Variants in SASH1 observed in about 807,000 individuals in gnomAD.
SASH1 encodes SAM and SH3 domain-containing protein 1.
Under a neutral mutation model 125.2 loss-of-function variants are expected in SASH1, and 44 were observed. The ratio of observed to expected loss-of-function variants is 0.35; its 90% CI spans 0.28 to 0.45. SASH1 has a LOEUF of 0.45. Ranked by LOEUF, SASH1 falls within the 20% of genes least tolerant of loss-of-function variation. The pLI, the probability that SASH1 is intolerant of heterozygous loss-of-function variation, is 1.00. For missense variants in SASH1, 1,426 were observed against 1,614.5 expected, an observed-to-expected ratio of 0.88 and a Z score of 2.00; for synonymous variants, 639 against 649.1, an observed-to-expected ratio of 0.98 and a Z score of 0.24.
chr6:148,326,414 C>CT (rs56066712), intron 1 of SASH1, among the ~76,000 whole-genome samples: 3 of 84,058 alleles, frequency 3.6e-5, no homozygotes, highest in Middle Eastern at 9.8e-3. Context: ...CTTTTCTTTT[C>CT]TTTTTTTTGA....
intron 4 of SASH1, among the ~76,000 whole-genome samples, chr6:148,462,129 A>T (rs1396760030): frequency 6.6e-6 from 1 of 152,100 alleles, no homozygotes; most frequent in Non-Finnish European, 1.5e-5. Context: ...ACAGCAAAAG[A>T]CCAGATTTCA....
At position 148,526,212 on chromosome 6, in the gene SASH1, C is replaced by T. The variant is rs142661238; in HGVS notation, c.1284+847C>T. On this transcript the variant is annotated intron_variant, in intron 11 of 19. Coordinates refer to ENST00000367467, the MANE Select transcript of SASH1 (RefSeq NM_015278.5). ...CCGACTGGCTAGGATTACAGGTGCA[C>T]GCCACCATGCCCAGAGAATTTGTGT... Among the ~76,000 whole-genome samples the T allele has an allele frequency of 5.7e-3, 862 of 151,962 alleles. 9 individuals carry two copies. Among genetic ancestry groups the T allele is most frequent in the Non-Finnish European group, 7.6e-3 (519 of 67,942 alleles).
the SASH1 span, among the ~76,000 whole-genome samples, chr6:148,224,499 T>A: frequency 6.6e-6 from 1 of 152,036 alleles, no homozygotes; most frequent in African/African-American, 2.4e-5. Flanking sequence ...TAGCTGGGAT[T>A]ACAGGTGCCT....
intron 1 of SASH1, among the ~76,000 whole-genome samples, chr6:148,281,937 AAAAGAAAAG>A (rs1779353114): frequency 6.6e-6 from 1 of 152,106 alleles, no homozygotes; most frequent in Non-Finnish European, 1.5e-5. Context: ...AAAAAAAGGA[AAAAGAAAAG>A]AAAGAAAACT....
At chr6:148,417,294 T>C (rs959086033) in intron 2 of SASH1, among the ~76,000 whole-genome samples, 6 of 151,808 alleles carry the variant, frequency 4.0e-5, no homozygotes, top group African/African-American at 1.5e-4. Context: ...CAGTTAAGAG[T>C]GTGTATCCCT....
chr6:148,299,317 ATT>A (rs35101524), intron 1 of SASH1, among the ~76,000 whole-genome samples: 2,931 of 148,824 alleles, frequency 0.02, 85 homozygotes, highest in African/African-American at 0.067. Context: ...TTAGAAAAGA[ATT>A]TTTTTTTTTT....
At chr6:148,341,330 G>GT (rs75328242), upstream of SASH1, among the ~76,000 whole-genome samples, 2,628 of 113,152 alleles carry the variant, frequency 0.023, 41 homozygotes, top group Admixed American at 0.06. Flanking sequence ...TTTTTTTTTT[G>GT]TTTTTTTTTT....
intron 2 of SASH1, among the ~76,000 whole-genome samples, chr6:148,428,637 A>AAAAAAAAAAAAAAAAAG (rs1775928935): frequency 6.6e-6 from 1 of 151,188 alleles, no homozygotes; most frequent in Non-Finnish European, 1.5e-5. Context: ...CTCAAAAAAA[A>AAAAAAAAAAAAAAAAAG]AAAAAGAGAA....
chr6:148,331,602 T>A (rs1177651920), intron 1 of SASH1, among the ~76,000 whole-genome samples: 1 of 152,128 alleles, frequency 6.6e-6, no homozygotes, highest in Admixed American at 6.6e-5. Context: ...GTGCTAGGAT[T>A]ACAGGTGTCA....
intron 2 of SASH1, among the ~76,000 whole-genome samples, chr6:148,434,768 A>G (rs1776224846): frequency 6.6e-6 from 1 of 152,242 alleles, no homozygotes; most frequent in Non-Finnish European, 1.5e-5. Flanking sequence ...AAACTAAGTT[A>G]TAATGCCCTC....
chr6:148,462,551 G>A (rs1055959923), intron 4 of SASH1, among the ~76,000 whole-genome samples: 2 of 152,076 alleles, frequency 1.3e-5, no homozygotes, highest in Admixed American at 1.3e-4. Context: ...AAGCAGATAG[G>A]GGGGTCTTGC....
chr6:148,525,016 C>CT lies in SASH1; in HGVS notation c.1210-270dup, dbSNP rs1024361906. The CT allele has an allele frequency of 1.3e-4, 51 of 401,690 alleles. 1 individual carries two copies. Among genetic ancestry groups the CT allele is most frequent in the Middle Eastern group, 6.6e-4 (1 of 1,512 alleles). 24.9% of individuals were successfully genotyped at this position (401,690 alleles called of 1,614,324 possible). A position where few individuals can be genotyped will look rare whatever the true frequency, so the allele number is the denominator to read the frequency against. ...GAGGGTTTTTCTTTTGTTTTTTAGG[C>CT]TTTTTAAAAAAAATGGTTGGTTTTT... On this transcript the variant is annotated intron_variant, in intron 10 of 19. Transcript: ENST00000367467.
At chr6:148,341,467 C>T (rs143330387), upstream of SASH1, among the ~76,000 whole-genome samples, 11 of 152,068 alleles carry the variant, frequency 7.2e-5, no homozygotes, top group East Asian at 1.7e-3. Flanking sequence ...GCCCCGCACC[C>T]GCCAAAAACA....
intron 4 of SASH1, among the ~76,000 whole-genome samples, chr6:148,456,630 G>A (rs896359658): frequency 6.6e-6 from 1 of 152,198 alleles, no homozygotes; most frequent in Non-Finnish European, 1.5e-5. Context: ...GGAGGCAGAG[G>A]CTGGTGGATT....
intron 12 of SASH1, among the ~76,000 whole-genome samples, chr6:148,531,003 A>C (rs971243887): frequency 2.6e-5 from 4 of 152,224 alleles, no homozygotes; most frequent in African/African-American, 7.2e-5. Context: ...GTGGGTTTTA[A>C]ATTCATGTTT....
At chr6:148,386,680 T>A (rs1783382257) in intron 1 of SASH1, among the ~76,000 whole-genome samples, 1 of 152,198 alleles carries the variant, frequency 6.6e-6, no homozygotes, top group South Asian at 2.1e-4. Flanking sequence ...AGCATCACGT[T>A]CCTGAGACCA....
At chr6:148,320,834 T>A (rs548662534) in intron 1 of SASH1, among the ~76,000 whole-genome samples, 1 of 152,334 alleles carries the variant, frequency 6.6e-6, no homozygotes, top group Non-Finnish European at 1.5e-5. Flanking sequence ...CAACACTTAA[T>A]GTCATTTTAT....
intron 1 of SASH1, among the ~76,000 whole-genome samples, chr6:148,358,203 G>C (rs1782021777): frequency 6.6e-6 from 1 of 152,014 alleles, no homozygotes; most frequent in African/African-American, 2.4e-5. Context: ...AGACAAGTTT[G>C]AGTATGTTCT....
chr6:148,355,910 G>A (rs1186849295), intron 1 of SASH1, among the ~76,000 whole-genome samples: 1 of 152,028 alleles, frequency 6.6e-6, no homozygotes, highest in Non-Finnish European at 1.5e-5. Context: ...AACAGGTCAG[G>A]TAGTATTTGG....
Sources: allele counts gnomAD v4.1 joint callset (sites outside exome capture counted in the v4.1 genomes callset), GRCh38; gene constraint gnomAD v4.1.1; transcripts MANE v1.5; gene names NCBI Gene and HGNC (gene_info 2026-07-23, HGNC 2026-07-21).